REXO5: variants seen among roughly 807,000 people sequenced by gnomAD.
REXO5 encodes the protein exonuclease NEF-sp.
REXO5 carries 48 observed loss-of-function variants against 88.5 expected under a neutral mutation model. That is an observed-to-expected ratio of 0.54 (90% CI 0.43 to 0.69). The LOEUF is 0.69. REXO5 is among the 30% of genes least tolerant of loss of function. REXO5 has a pLI of 0.00. For missense variants in REXO5, 749 were observed against 912.2 expected, an observed-to-expected ratio of 0.82 and a Z score of 2.30; for synonymous variants, 311 against 336.5, an observed-to-expected ratio of 0.92 and a Z score of 0.83.
intron 12 of REXO5, 91 bp from the exon 13 acceptor site, chr16:20,832,912 G>A (rs902058785): frequency 9.4e-6 from 11 of 1,171,256 alleles, no homozygotes; most frequent in African/African-American, 1.5e-5. Context: ...ATTGCTAGTG[G>A]CTACCATATT....
chr16:20,813,309 G>C lies in REXO5; in HGVS notation c.251+7G>C. The C allele has an allele frequency of 7.2e-7, 1 of 1,396,954 alleles. No individual in the cohort carries two copies. The allele number at this position is 1,396,954 out of a possible 1,614,324, so 86.5% of individuals were successfully genotyped here. On this transcript the variant is annotated splice_region_variant and intron_variant, in intron 3 of 19. Coordinates refer to ENST00000261377, the MANE Select transcript of REXO5 (RefSeq NM_030941.3). ...CCAATGTTCCAAAACCCAGGTATGA[G>C]ATGAATTTAAATGGTGGGTATTGAC...
intron 2 of REXO5, among the ~76,000 whole-genome samples, chr16:20,807,555 C>T (rs1180893672): frequency 6.8e-6 from 1 of 147,814 alleles, no homozygotes; most frequent in Non-Finnish European, 1.5e-5. Flanking sequence ...TACACTCCAC[C>T]CTGGACAACA....
At position 20,825,943 on chromosome 16, in the gene REXO5, C is replaced by T; in HGVS notation, c.816C>T (p.Leu272=). 1 of 1,609,396 alleles carries T rather than the reference C, an allele frequency of 6.2e-7. No homozygotes were observed. The highest frequency in any genetic ancestry group is 8.5e-7 in the Non-Finnish European group (1 of 1,176,384). ...VKPENKILDY[L]TSFSGITKKI... is the part of the protein sequence containing the mutation. The stretch of plus-strand genomic sequence containing the variant: ...CTGAAAACAAGATTCTGGACTACCT[C>T]ACCAGGTATTTTTCACCTTGCCTGC... Residue 272 remains leucine, a synonymous_variant, in exon 8 of 20, where the codon CTC becomes CTT. Transcript: ENST00000261377.
At chr16:20,828,411 G>A (rs2081289118) in intron 10 of REXO5, 24 bp from the exon 11 acceptor site, 2 of 1,481,486 alleles carry the variant, frequency 1.3e-6, no homozygotes, top group Non-Finnish European at 1.9e-6. Context: ...CTTCCAGTAT[G>A]TCAATTTTAT....
At chr16:20,841,765 C>G (rs1442215878) in intron 15 of REXO5, among the ~76,000 whole-genome samples, 3 of 152,130 alleles carry the variant, frequency 2.0e-5, no homozygotes, top group African/African-American at 7.2e-5. Flanking sequence ...GCCCCCACGC[C>G]TGGCTAATTT....
chr16:20,832,291 A>G (rs1225972238), intron 12 of REXO5, 32 bp downstream of exon 12: 1 of 1,367,154 alleles, frequency 7.3e-7, no homozygotes. Flanking sequence ...AAGAGCAAAG[A>G]CAAATGGAGT....
intron 4 of REXO5, 110 bp downstream of exon 4, chr16:20,815,163 G>A: frequency 8.0e-7 from 1 of 1,250,722 alleles, no homozygotes; most frequent in Non-Finnish European, 1.1e-6. Context: ...AAACAGTAGG[G>A]GATATAGAAA....
intron 15 of REXO5, among the ~76,000 whole-genome samples, chr16:20,842,631 T>C (rs1213358985): frequency 1.3e-5 from 2 of 152,002 alleles, no homozygotes; most frequent in Admixed American, 1.3e-4. Flanking sequence ...GCCTGGCTAA[T>C]TTTTTGTAAG....
At chr16:20,811,126 C>T (rs2080991806) in intron 2 of REXO5, among the ~76,000 whole-genome samples, 1 of 152,168 alleles carries the variant, frequency 6.6e-6, no homozygotes, top group Non-Finnish European at 1.5e-5. Context: ...ATGTCCTCAG[C>T]TTCTGCTCCT....
chr16:20,816,308 G>A, intron 5 of REXO5, 96 bp downstream of exon 5: 1 of 1,036,630 alleles, frequency 9.6e-7, no homozygotes, highest in Non-Finnish European at 1.4e-6. Context: ...ATTCTAACTA[G>A]CTTAAGCACA....
At chr16:20,809,818 C>T (rs2080968973) in intron 2 of REXO5, among the ~76,000 whole-genome samples, 1 of 152,232 alleles carries the variant, frequency 6.6e-6, no homozygotes, top group African/African-American at 2.4e-5. Context: ...CCTCCCACCT[C>T]AGCCTCAGTG....
intron 13 of REXO5, among the ~76,000 whole-genome samples, chr16:20,837,158 C>T (rs2081444762): frequency 6.6e-6 from 1 of 152,152 alleles, no homozygotes; most frequent in Non-Finnish European, 1.5e-5. Context: ...GTTATTCAGT[C>T]TTGACTGGGG....
chr16:20,821,380 G>C (rs764270126), intron 5 of REXO5, among the ~76,000 whole-genome samples: 1 of 152,080 alleles, frequency 6.6e-6, no homozygotes, highest in Non-Finnish European at 1.5e-5. Context: ...TCTGCCTCTC[G>C]GGTTCACGCC....
chr16:20,821,483 G>A (rs113159422), intron 5 of REXO5, among the ~76,000 whole-genome samples: 5 of 152,194 alleles, frequency 3.3e-5, no homozygotes, highest in African/African-American at 7.2e-5. Context: ...GTAGAGACAG[G>A]GTTTCACCAT....
chr16:20,840,513 A>C (rs370402149), intron 15 of REXO5, 45 bp downstream of exon 15: 32 of 1,485,880 alleles, frequency 2.2e-5, no homozygotes, highest in Non-Finnish European at 2.6e-5. Flanking sequence ...TTAGTGTTAG[A>C]CATTCAGGTG....
Position 20,827,466 on chromosome 16 carries a change from T to C in REXO5, c.1055+19T>C, listed in dbSNP as rs1363990128. On this transcript the variant is annotated intron_variant, in intron 10 of 19. Transcript: ENST00000261377. ...TTTTGGGGTAGGTTTGCTTATATGC[T>C]GTAATATTGTTCTGACAAACTGCAT... The C allele has an allele frequency of 1.9e-6, 3 of 1,561,056 alleles. 1 individual carries two copies. The East Asian group carries it at 6.7e-5, about 35-fold the overall frequency.
upstream of REXO5, chr16:20,806,512 G>C (rs2080877475): frequency 1.3e-6 from 2 of 1,540,832 alleles, no homozygotes; most frequent in African/African-American, 2.7e-5. Context: ...AAGCCCGCGA[G>C]GCTGAGGGGC....
intron 8 of REXO5, among the ~76,000 whole-genome samples, chr16:20,826,573 A>C (rs1828810524): frequency 6.6e-6 from 1 of 152,226 alleles, no homozygotes; most frequent in South Asian, 2.1e-4. Context: ...TTCTTAGAGA[A>C]CAGTCACGTG....
rs1286616083 is a variant in REXO5, at chr16:20,849,416, C to G, written c.2261C>G (p.Ser754Cys). The G allele has an allele frequency of 1.9e-6, 3 of 1,613,918 alleles. No homozygotes were observed. The Admixed American group carries it at 5.0e-5, about 27-fold the overall frequency. Residue 754 changes from serine to cysteine, a missense_variant, in exon 20 of 20, where the codon TCT becomes TGT. Physicochemically the swap from Ser to Cys is moderately radical, Grantham distance 112. Coordinates refer to ENST00000261377, the MANE Select transcript of REXO5 (RefSeq NM_030941.3). ...PGTKSTHGSL[S>C]GLGLMGIKEE... ...TATTGCAGCACTCATGGTTCACTCT[C>G]TGGTCTAGGACTGATGGGAATAAAA...
Sources: gnomAD v4.1 joint callset for allele counts (sites outside exome capture counted in the v4.1 genomes callset) on GRCh38, gnomAD v4.1.1 for gene constraint, MANE v1.5 for transcripts, NCBI Gene and HGNC (gene_info 2026-07-23, HGNC 2026-07-21) for gene names.